The following CEMIP2 variants were observed in gnomAD, a reference collection of about 807,000 sequenced individuals.
CEMIP2 encodes cell migration inducing hyaluronidase 2.
A neutral mutation model predicts 146.9 loss-of-function variants in CEMIP2; 79 were observed. That is an observed-to-expected ratio of 0.54 (90% confidence interval 0.45 to 0.65). CEMIP2 has a LOEUF of 0.65. Among genes scored for constraint, CEMIP2 ranks in the 30% least tolerant of loss-of-function variants. CEMIP2 has a pLI of 0.00. For synonymous variants in CEMIP2, 601 were observed against 606.3 expected (o/e 0.99, Z 0.13); for missense variants, 1,596 against 1,696.2 (o/e 0.94, Z 1.04).
In CEMIP2 at chr9:71,745,025, C is replaced by A. The variant is rs920441324; in HGVS notation, c.1027G>T (p.Gly343Cys). Residue 343 changes from glycine to cysteine, a missense_variant, in exon 4 of 24, where the codon GGC (glycine) becomes TGC (cysteine). Gly to Cys is a radical substitution (Grantham distance 159). Coordinates refer to ENST00000377044, the MANE Select transcript of CEMIP2 (RefSeq NM_013390.3). ...RLGSELIQGL[G>C]YRQAWALVGV... ...GGAAGAAGGTATGCCTACCTGTAGC[C>A]CAGTCCTTGGATCAGTTCACTTCCC... The A allele has an allele frequency of 4.3e-6, 7 of 1,613,280 alleles. No homozygotes were observed. In the African/African-American group the frequency reaches 9.3e-5, roughly 22 times the overall value.
Position 71,728,249 on chromosome 9 carries a change from ATG to A in CEMIP2, c.2049+1594_2049+1595del, listed in dbSNP as rs1414477849. Among the ~76,000 whole-genome samples the A allele has an allele frequency of 6.1e-3, 245 of 40,086 alleles. 10 individuals carry two copies. The highest frequency in any genetic ancestry group is 9.2e-3 in the East Asian group (11 of 1,198). The allele number at this position is 40,086 out of a possible 152,430, so 26.3% of individuals were successfully genotyped here. A position where few individuals can be genotyped will look rare whatever the true frequency, so the allele number is the denominator to read the frequency against. Reference sequence around the variant, plus strand: ...TCTCTCTCTATATATATATATATATATGTATATACACGTATATATATATATAT... The same window carrying A: ...TCTCTCTCTATATATATATATATATATATATACACGTATATATATATATAT... On this transcript the variant is annotated intron_variant, in intron 10 of 23. Coordinates refer to ENST00000377044, the MANE Select transcript of CEMIP2 (RefSeq NM_013390.3).
chr9:71,731,127 T>C (rs1564014671), intron 7 of CEMIP2: 1 of 590,744 alleles, frequency 1.7e-6, no homozygotes, highest in Non-Finnish European at 3.0e-6. Context: ...TAGCCTCCAA[T>C]TAGGAATAAA....
At chr9:71,731,721 G>T (rs1823622198) in intron 7 of CEMIP2, among the ~76,000 whole-genome samples, 1 of 122,930 alleles carries the variant, frequency 8.1e-6, no homozygotes, top group Admixed American at 8.8e-5. Context: ...GACAGAATGA[G>T]ACTGTATCTC....
At chr9:71,752,291 T>C (rs1423694834) in intron 1 of CEMIP2, among the ~76,000 whole-genome samples, 1 of 151,604 alleles carries the variant, frequency 6.6e-6, no homozygotes, top group African/African-American at 2.4e-5. Context: ...ATCTCAGGAA[T>C]TCTTCATAAG....
At chr9:71,703,754 C>T (rs893951860) in intron 18 of CEMIP2, among the ~76,000 whole-genome samples, 3 of 152,188 alleles carry the variant, frequency 2.0e-5, no homozygotes, top group African/African-American at 7.2e-5. Context: ...ATGTCCCCAT[C>T]ACACTGACTC....
At chr9:71,747,246 G>T (rs1824118094) in intron 2 of CEMIP2, among the ~76,000 whole-genome samples, 1 of 152,162 alleles carries the variant, frequency 6.6e-6, no homozygotes, top group Non-Finnish European at 1.5e-5. Context: ...CTCTGTACCA[G>T]ATATTTTAAA....
Position 71,722,490 on chromosome 9 carries a change from A to G in CEMIP2, c.2204T>C (p.Val735Ala). The change falls in exon 12 of 24, where the codon GTC (valine) becomes GCC (alanine). Residue 735 changes from valine (V) to alanine (A), a missense_variant. Physicochemically the swap from Val to Ala is moderately conservative, Grantham distance 64. Transcript: ENST00000377044. The part of the protein sequence containing the change: ...FKAGLFIDKG[V>A]KTTNSSAADP... ...AGCAGCACTAGAGTTGGTTGTTTTG[A>G]CACCTTTGTCAATAAATAAGCCAGC... 1 of 1,613,674 alleles carries G rather than the reference A, an allele frequency of 6.2e-7. No individual in the cohort carries two copies. Among genetic ancestry groups the G allele is most frequent in the Non-Finnish European group, 8.5e-7 (1 of 1,179,808 alleles).
intron 18 of CEMIP2, among the ~76,000 whole-genome samples, chr9:71,703,902 C>A (rs138441939): frequency 1.1e-3 from 170 of 152,274 alleles, no homozygotes; most frequent in Non-Finnish European, 2.0e-3. Flanking sequence ...AATAGTTGCT[C>A]TATCATTTGT....
chr9:71,698,294 T>G, intron 19 of CEMIP2, 90 bp from the exon 20 acceptor site: 1 of 1,008,182 alleles, frequency 9.9e-7, no homozygotes, highest in Non-Finnish European at 1.5e-6. Flanking sequence ...AAAAGGGATA[T>G]TCCTCCAATT....
chr9:71,700,140 C>G (rs1822518788), intron 19 of CEMIP2, among the ~76,000 whole-genome samples: 1 of 152,118 alleles, frequency 6.6e-6, no homozygotes, highest in Admixed American at 6.5e-5. Flanking sequence ...CAGTCAAAAC[C>G]AACAGGACCC....
chr9:71,746,449 T>C (rs1272640184), intron 2 of CEMIP2, 108 bp from the exon 3 acceptor site: 2 of 1,330,784 alleles, frequency 1.5e-6, no homozygotes, highest in Non-Finnish European at 2.1e-6. Flanking sequence ...TGTGCTAACA[T>C]ATGTTGATTT....
rs574476244 is a variant in CEMIP2 at position 71,747,791 on chromosome 9, C to G, written c.332-1450G>C. ...TTCCTGTTTCTGAGCTCTCACAATG[C>G]CCTAGGTTTATGCTTTCTCTTATTA... On this transcript the variant is annotated intron_variant, in intron 2 of 23. Coordinates refer to ENST00000377044, the MANE Select transcript of CEMIP2 (RefSeq NM_013390.3). Among the ~76,000 whole-genome samples the G allele has an allele frequency of 2.1e-3, 315 of 152,242 alleles. 1 individual carries two copies. The highest frequency in any genetic ancestry group is 7.3e-3 in the African/African-American group (302 of 41,522).
intron 10 of CEMIP2, among the ~76,000 whole-genome samples, chr9:71,728,186 C>T (rs886498554): frequency 5.6e-5 from 6 of 106,786 alleles, no homozygotes; most frequent in African/African-American, 3.9e-5. Flanking sequence ...GTCAACACAG[C>T]GAAACCTTCT....
rs749042877 is a variant in CEMIP2, at chr9:71,694,463, G to A, written c.3696+46C>T. ...TAAGCTACCTAGTTTATGGCATTTT[G>A]TTATACCACCTAGAACAGACTAAGA... On this transcript the variant is annotated intron_variant, in intron 21 of 23. Transcript: ENST00000377044. 5.4e-6 allele frequency: 8 copies of A among 1,486,678 alleles called. No individual in the cohort carries two copies. The East Asian group carries it at 6.8e-5, about 13-fold the overall frequency. The allele number at this position is 1,486,678 out of a possible 1,614,324, so 92.1% of individuals were successfully genotyped here.
intron 7 of CEMIP2, 162 bp from the exon 8 acceptor site, chr9:71,731,076 T>C: frequency 3.1e-6 from 2 of 648,180 alleles, no homozygotes; most frequent in Non-Finnish European, 5.3e-6. Flanking sequence ...ATTTAGGAAA[T>C]GCTTCTTTAC....
chr9:71,742,562 A>G (rs1347549529), intron 4 of CEMIP2, among the ~76,000 whole-genome samples: 1 of 152,242 alleles, frequency 6.6e-6, no homozygotes, highest in African/African-American at 2.4e-5. Context: ...TAAGTTCTCT[A>G]TGAAATCAAG....
chr9:71,723,907 A>T (rs62547000), intron 11 of CEMIP2, among the ~76,000 whole-genome samples: 14,848 of 152,250 alleles, frequency 0.098, 784 homozygotes, highest in Admixed American at 0.14. Flanking sequence ...TCCTGGACAG[A>T]CATTTCCAAA....
chr9:71,717,905 T>C (rs774603460), intron 13 of CEMIP2, 43 bp downstream of exon 13: 20 of 1,538,480 alleles, frequency 1.3e-5, no homozygotes. Flanking sequence ...TGAAAAATAA[T>C]ACATCAGTGT....
At chr9:71,692,095 CG>C (rs1272453497) in intron 21 of CEMIP2, among the ~76,000 whole-genome samples, 1 of 147,434 alleles carries the variant, frequency 6.8e-6, no homozygotes, top group Non-Finnish European at 1.5e-5. Context: ...GATGACAGAG[CG>C]AGACTCTATC....
Sources: allele counts gnomAD v4.1 joint callset (sites outside exome capture counted in the v4.1 genomes callset), GRCh38; gene constraint gnomAD v4.1.1; transcripts MANE v1.5; gene names NCBI Gene and HGNC (gene_info 2026-07-23, HGNC 2026-07-21).